The following SGK1 variants were observed in gnomAD, a reference collection of about 807,000 sequenced individuals.
The protein encoded by SGK1 is serum/glucocorticoid regulated kinase 1, also known as serine/threonine-protein kinase Sgk1.
In SGK1, 26 loss-of-function variants were observed where a neutral mutation model predicts 64.2. That is an observed-to-expected ratio of 0.40 (90% CI 0.30 to 0.56). SGK1 has a LOEUF of 0.56. Among genes scored for constraint, SGK1 ranks in the 20% least tolerant of loss-of-function variants. SGK1 has a pLI of 0.38. For missense variants in SGK1, 519 were observed against 645.6 expected, an observed-to-expected ratio of 0.80 and a Z score of 2.12; for synonymous variants, 265 against 239.7, an observed-to-expected ratio of 1.11 and a Z score of -0.98.
chr6:134,311,914 C>T (rs1478829240), intron 1 of SGK1, among the ~76,000 whole-genome samples: 1 of 152,152 alleles, frequency 6.6e-6, no homozygotes, highest in East Asian at 1.9e-4. Context: ...GCATTCCTAC[C>T]GCTCTCAGTA....
intron 2 of SGK1, among the ~76,000 whole-genome samples, chr6:134,250,048 T>C (rs1776583416): frequency 6.6e-6 from 1 of 152,180 alleles, no homozygotes; most frequent in South Asian, 2.1e-4. Flanking sequence ...TTCCTGAATT[T>C]TTTTTCTCAC....
intron 3 of SGK1, among the ~76,000 whole-genome samples, chr6:134,191,853 T>TTTTTTTTTTTTTA (rs1775517553): frequency 1.0e-4 from 14 of 140,694 alleles, no homozygotes; most frequent in Non-Finnish European, 1.5e-4. Context: ...TTTTTTTTTT[T>TTTTTTTTTTTTTA]GAGACAGAGT....
At chr6:134,315,714 C>A (rs953737631) in intron 1 of SGK1, among the ~76,000 whole-genome samples, 2 of 152,088 alleles carry the variant, frequency 1.3e-5, no homozygotes, top group African/African-American at 4.8e-5. Flanking sequence ...TGGGCTATGG[C>A]ATTTTTAAAA....
chr6:134,225,008 CAA>C (rs779785039), intron 2 of SGK1, among the ~76,000 whole-genome samples: 1 of 39,812 alleles, frequency 2.5e-5, no homozygotes, highest in Non-Finnish European at 5.2e-5. Context: ...GACTCCATCT[CAA>C]AAAAAAAAAA....
At chr6:134,283,197 T>C (rs1777121059) in intron 1 of SGK1, 1 of 151,842 alleles carries the variant, frequency 6.6e-6, no homozygotes, top group African/African-American at 2.4e-5. Context: ...GCCTTAAACA[T>C]ACATATATAC....
intron 2 of SGK1, among the ~76,000 whole-genome samples, chr6:134,240,323 GGA>G (rs1400243462): frequency 6.7e-6 from 1 of 149,920 alleles, no homozygotes; most frequent in East Asian, 1.9e-4. Flanking sequence ...AGAGGGAACT[GGA>G]GAGTTTAAAC....
chr6:134,233,464 A>G (rs1404044863), intron 2 of SGK1, among the ~76,000 whole-genome samples: 1 of 152,220 alleles, frequency 6.6e-6, no homozygotes, highest in Non-Finnish European at 1.5e-5. Flanking sequence ...AGTTTCCCCA[A>G]TAACTTTCTC....
intron 1 of SGK1, chr6:134,298,083 G>A (rs774695330): frequency 4.0e-5 from 52 of 1,310,338 alleles, no homozygotes; most frequent in Non-Finnish European, 5.5e-5. Flanking sequence ...CCTTCCAGGT[G>A]AGACTCCAGC....
chr6:134,194,315 A>C (rs1225033605), intron 3 of SGK1, among the ~76,000 whole-genome samples: 2 of 152,098 alleles, frequency 1.3e-5, no homozygotes, highest in Non-Finnish European at 2.9e-5. Flanking sequence ...CCAACTGATC[A>C]GACGATGCCC....
intron 2 of SGK1, among the ~76,000 whole-genome samples, chr6:134,209,630 C>G (rs554763319): frequency 6.6e-6 from 1 of 152,214 alleles, no homozygotes; most frequent in East Asian, 1.9e-4. Flanking sequence ...AAGAATGACA[C>G]TAAGGTCATT....
At chr6:134,176,199 C>T (rs1032748170) in intron 3 of SGK1, among the ~76,000 whole-genome samples, 1 of 152,152 alleles carries the variant, frequency 6.6e-6, no homozygotes, top group African/African-American at 2.4e-5. Flanking sequence ...TCCCGCTGTC[C>T]CACCTGAAAA....
At chr6:134,270,370 G>GA (rs201199556) in intron 1 of SGK1, among the ~76,000 whole-genome samples, 2,258 of 139,152 alleles carry the variant, frequency 0.016, 114 homozygotes, top group African/African-American at 0.053. Context: ...TAGGCCTTAG[G>GA]AAAAAAAAAA....
At chr6:134,298,277 C>T (rs1777393349) in intron 1 of SGK1, 3 of 1,560,052 alleles carry the variant, frequency 1.9e-6, no homozygotes, top group African/African-American at 1.4e-5. Context: ...AAGTAGCTCT[C>T]GAACATGTTG....
chr6:134,208,564 T>C (rs915853746), intron 2 of SGK1, among the ~76,000 whole-genome samples: 1 of 151,934 alleles, frequency 6.6e-6, no homozygotes, highest in African/African-American at 2.4e-5. Context: ...CCAGAGTCCA[T>C]TGTATCCTCT....
chr6:134,209,881 T>A (rs1775858964), intron 2 of SGK1, among the ~76,000 whole-genome samples: 1 of 152,228 alleles, frequency 6.6e-6, no homozygotes, highest in African/African-American at 2.4e-5. Context: ...TTTGCCATGT[T>A]GGTCAGACTG....
At chr6:134,178,880 C>A (rs1775289665) in intron 3 of SGK1, among the ~76,000 whole-genome samples, 1 of 152,288 alleles carries the variant, frequency 6.6e-6, no homozygotes, top group Non-Finnish European at 1.5e-5. Flanking sequence ...TCAAAACCCT[C>A]AAGTAGGAAT....
intron 3 of SGK1, among the ~76,000 whole-genome samples, chr6:134,175,076 G>C (rs1038140834): frequency 3.3e-5 from 5 of 152,048 alleles, no homozygotes; most frequent in Non-Finnish European, 4.4e-5. Context: ...GCCCGGGGAC[G>C]GCCTGGCGCA....
At position 134,199,028 on chromosome 6, in the gene SGK1, C is replaced by T. The variant is rs866475974; in HGVS notation, c.361+8328G>A. On this transcript the variant is annotated intron_variant, in intron 3 of 13. Coordinates refer to ENST00000367858, the MANE Select transcript of SGK1 (RefSeq NM_001143676.3). ...ATCTTCCTTAGTAGCTGGGACCATACGTGCAAGCCACCACACCCAGCTTGA... is the reference window on the plus strand; with the variant it reads ...ATCTTCCTTAGTAGCTGGGACCATATGTGCAAGCCACCACACCCAGCTTGA... 1.2e-4 allele frequency among the ~76,000 whole-genome samples: 19 copies of T among 152,116 alleles called. 1 individual carries two copies. The South Asian group carries it at 1.5e-3, about 12-fold the overall frequency.
At chr6:134,224,146 A>G (rs1171274271) in intron 2 of SGK1, among the ~76,000 whole-genome samples, 2 of 152,228 alleles carry the variant, frequency 1.3e-5, no homozygotes, top group Non-Finnish European at 1.5e-5. Flanking sequence ...ATAAGCAAAA[A>G]CACCATGAAT....
Sources: gnomAD v4.1 joint callset for allele counts (sites outside exome capture counted in the v4.1 genomes callset) on GRCh38, gnomAD v4.1.1 for gene constraint, MANE v1.5 for transcripts, NCBI Gene and HGNC (gene_info 2026-07-23, HGNC 2026-07-21) for gene names.